Variants in INO80D observed in about 807,000 individuals in gnomAD.
The protein encoded by INO80D is INO80 complex subunit D.
A neutral mutation model predicts 87.6 loss-of-function variants in INO80D; 21 were observed. That is an observed-to-expected ratio of 0.24 (90% CI 0.17 to 0.35). The LOEUF (loss-of-function observed/expected upper bound fraction) is 0.35. Among genes scored for constraint, INO80D ranks in the 10% least tolerant of loss-of-function variants. The pLI, the probability that INO80D is intolerant of heterozygous loss-of-function variation, is 1.00. For missense variants in INO80D, 982 were observed against 1,280.7 expected, an observed-to-expected ratio of 0.77 and a Z score of 3.56; for synonymous variants, 440 against 491.0, an observed-to-expected ratio of 0.90 and a Z score of 1.37.
rs890900439 is a variant in INO80D at position 205,997,569 on chromosome 2, G to A, written c.*6799C>T. ...AACATAAAAAAGATTCAATAGATCT[G>A]TGGTCCCATCACCACAATAGATAAA... On this transcript the variant is annotated 3_prime_UTR_variant, in exon 11 of 11. Coordinates refer to ENST00000403263, the MANE Select transcript of INO80D (RefSeq NM_017759.5). 3 of 152,098 alleles carry A rather than the reference G, an allele frequency of 2.0e-5. No homozygotes were observed. The highest frequency in any genetic ancestry group is 2.0e-4 in the Admixed American group (3 of 15,274). The allele number at this position is 152,098 out of a possible 1,614,324, so 9.4% of individuals were successfully genotyped here.
At chr2:206,047,289 G>A (rs1689221935) in intron 4 of INO80D, among the ~76,000 whole-genome samples, 1 of 152,052 alleles carries the variant, frequency 6.6e-6, no homozygotes, top group African/African-American at 2.4e-5. Flanking sequence ...CATGATCTCG[G>A]CTCACTGCAA....
intron 4 of INO80D, among the ~76,000 whole-genome samples, chr2:206,051,023 A>C (rs1379577910): frequency 6.7e-6 from 1 of 149,816 alleles, no homozygotes. Context: ...TGTCTAAATG[A>C]GTTCCAGCTA....
intron 6 of INO80D, among the ~76,000 whole-genome samples, chr2:206,027,156 G>GCA (rs34673264): frequency 0.16 from 23,491 of 151,244 alleles, 1,875 homozygotes; most frequent in East Asian, 0.22. Context: ...GCGCGCACGC[G>GCA]CACACACACA....
intron 5 of INO80D, among the ~76,000 whole-genome samples, chr2:206,033,478 C>T (rs1688819709): frequency 6.6e-6 from 1 of 152,118 alleles, no homozygotes; most frequent in Non-Finnish European, 1.5e-5. Context: ...TAACCTGCCC[C>T]TGAAAGAGCT....
rs529961021 is a variant in INO80D, at chr2:205,995,046, T to C, written c.*9322A>G. 3 of 152,308 alleles carry C rather than the reference T, an allele frequency of 2.0e-5. No homozygotes were observed. The highest frequency in any genetic ancestry group is 4.1e-4 in the South Asian group (2 of 4,826). 9.4% of individuals were successfully genotyped at this position (152,308 alleles called of 1,614,324 possible). A position where few individuals can be genotyped will look rare whatever the true frequency, so the allele number is the denominator to read the frequency against. The stretch of plus-strand genomic sequence containing the variant: ...TATTTCCCTGCAGCATGGGAGTAGT[T>C]AACTTCCCCCAGGCAAAATGATCTC... On this transcript the variant is annotated 3_prime_UTR_variant, in exon 11 of 11. Transcript: ENST00000403263.
intron 4 of INO80D, among the ~76,000 whole-genome samples, chr2:206,047,253 G>A (rs1689220587): frequency 6.6e-6 from 1 of 152,066 alleles, no homozygotes; most frequent in Non-Finnish European, 1.5e-5. Context: ...GTCTTGCTCT[G>A]TCACCTAGGC....
At position 206,046,605 on chromosome 2, in the gene INO80D, G is replaced by T. The variant is rs1364066951; in HGVS notation, c.972C>A (p.Asp324Glu). 6.2e-7 allele frequency: 1 copy of T among 1,610,778 alleles called. No homozygotes were observed. The highest frequency in any genetic ancestry group is 1.7e-5 in the Admixed American group (1 of 59,926). Residue 324 changes from aspartate to glutamate, a missense_variant, in exon 5 of 11, where the codon GAC (aspartate) becomes GAA (glutamate). Physicochemically the swap from Asp to Glu is conservative, Grantham distance 45 (BLOSUM62 2). Transcript: ENST00000403263. ...DTDLFPHLGL[D>E]WSEESGEEPE... Reference sequence around the variant, plus strand: ...GTTCCTCTCCGCTCTCTTCAGACCAGTCCAAACCTGGGTTAGACAGGAGAT... The same window carrying T: ...GTTCCTCTCCGCTCTCTTCAGACCATTCCAAACCTGGGTTAGACAGGAGAT...
intron 8 of INO80D, among the ~76,000 whole-genome samples, chr2:206,013,094 T>C (rs1688221754): frequency 6.6e-6 from 1 of 152,038 alleles, no homozygotes; most frequent in Non-Finnish European, 1.5e-5. Flanking sequence ...AAAATTTGAT[T>C]AGTATAATTT....
At chr2:206,033,298 A>G (rs1198725437) in intron 5 of INO80D, among the ~76,000 whole-genome samples, 1 of 152,200 alleles carries the variant, frequency 6.6e-6, no homozygotes, top group East Asian at 1.9e-4. Context: ...TCTATTCAAC[A>G]GTGCATGGAA....
At chr2:206,016,684 G>A (rs1406577276) in intron 8 of INO80D, among the ~76,000 whole-genome samples, 1 of 152,206 alleles carries the variant, frequency 6.6e-6, no homozygotes, top group Non-Finnish European at 1.5e-5. Context: ...ATTCCCACGT[G>A]TTGTGGGAGG....
intron 5 of INO80D, among the ~76,000 whole-genome samples, chr2:206,028,698 A>T (rs1369297825): frequency 6.6e-6 from 1 of 152,154 alleles, no homozygotes; most frequent in Non-Finnish European, 1.5e-5. Flanking sequence ...GACAGTTATG[A>T]GGAAACACAT....
At chr2:206,009,911 C>T in intron 8 of INO80D, 117 bp from the exon 9 acceptor site, 1 of 734,580 alleles carries the variant, frequency 1.4e-6, no homozygotes, top group African/African-American at 1.8e-5. Context: ...ATACTGGATG[C>T]CCAAAACTAT....
Position 206,007,287 on chromosome 2 carries a change from CA to C in INO80D, c.1914del (p.Phe638LeufsTer25). The C allele has an allele frequency of 6.2e-7, 1 of 1,612,210 alleles. No individual in the cohort carries two copies. Among genetic ancestry groups the C allele is most frequent in the Admixed American group, 1.7e-5 (1 of 59,574 alleles). On this transcript the variant is annotated frameshift_variant, in exon 10 of 11. Coordinates refer to ENST00000403263, the MANE Select transcript of INO80D (RefSeq NM_017759.5). LOFTEE classifies it high-confidence loss of function. ...LPDDLQDFDF[F>X]EGKNGDLLPT... ...TGAGTCAAAATATTGACTATACCTT[CA>C]AAAAAATCAAAATCTTGTAAGTCAT...
intron 7 of INO80D, among the ~76,000 whole-genome samples, chr2:206,018,930 A>T (rs189070839): frequency 2.0e-5 from 3 of 152,278 alleles, no homozygotes. Flanking sequence ...GCTTTACATC[A>T]TCAATATTTT....
Position 206,028,359 on chromosome 2 carries a change from G to A in INO80D, c.1074-24C>T. ...ACCTGGAAAGTGCAGGGAGAGAAAG[G>A]AAAAACTGATTACACATTAGGCTCA... is the stretch of plus-strand genomic sequence containing the variant. On this transcript the variant is annotated intron_variant, in intron 5 of 10. Transcript: ENST00000403263. 2.0e-6 allele frequency: 3 copies of A among 1,536,156 alleles called. No individual in the cohort carries two copies. In the South Asian group the frequency reaches 3.5e-5, roughly 18 times the overall value.
chr2:206,021,335 A>T (rs1688458516), intron 6 of INO80D, among the ~76,000 whole-genome samples: 1 of 152,152 alleles, frequency 6.6e-6, no homozygotes, highest in African/African-American at 2.4e-5. Context: ...AACTGTAAAC[A>T]CTGTTTATAT....
chr2:206,024,326 G>A (rs1688544567), intron 6 of INO80D, among the ~76,000 whole-genome samples: 1 of 152,092 alleles, frequency 6.6e-6, no homozygotes. Context: ...ACAGAGTACA[G>A]AGCACAGTAG....
intron 6 of INO80D, among the ~76,000 whole-genome samples, chr2:206,025,382 G>A (rs1404619235): frequency 6.6e-6 from 1 of 150,974 alleles, no homozygotes; most frequent in Non-Finnish European, 1.5e-5. Context: ...ACAAAAATTA[G>A]CCAAGCGTGG....
chr2:206,050,908 G>A (rs905280273), intron 4 of INO80D, among the ~76,000 whole-genome samples: 1 of 152,122 alleles, frequency 6.6e-6, no homozygotes, highest in Non-Finnish European at 1.5e-5. Context: ...GGCGGAGCTT[G>A]CAGTGAGCCG....
Sources: allele counts gnomAD v4.1 joint callset (sites outside exome capture counted in the v4.1 genomes callset), GRCh38; gene constraint gnomAD v4.1.1; transcripts MANE v1.5; gene names NCBI Gene and HGNC (gene_info 2026-07-23, HGNC 2026-07-21).